The following PCDHA13 variants were observed in gnomAD, a reference collection of about 807,000 sequenced individuals.
PCDHA13 encodes the protein protocadherin alpha 13, also known as protocadherin alpha-13.
PCDHA13 carries 54 observed loss-of-function variants against 64.8 expected under a neutral mutation model. That is an observed-to-expected ratio of 0.83 (90% CI 0.67 to 1.04). PCDHA13 has a LOEUF of 1.04. Among genes scored for constraint, PCDHA13 ranks in the 50% least tolerant of loss-of-function variants. The pLI is 0.00. For synonymous variants in PCDHA13, 587 were observed against 564.4 expected, an observed-to-expected ratio of 1.04 and a Z score of -0.57; for missense variants, 1,248 against 1,254.3, an observed-to-expected ratio of 0.99 and a Z score of 0.08.
Position 140,883,008 on chromosome 5 carries a change from AT to A in PCDHA13, c.741del (p.Tyr247Ter). ...DNAPEFYQSV[Y>X]KVTVLENAFN... ...GCCCCGGAATTTTACCAATCCGTTTATAAAGTGACGGTGTTAGAGAACGCCT... is the reference window on the plus strand; with the variant it reads ...GCCCCGGAATTTTACCAATCCGTTTAAAAGTGACGGTGTTAGAGAACGCCT... On this transcript the variant is annotated frameshift_variant, in exon 1 of 4. Coordinates refer to ENST00000289272, the MANE Select transcript of PCDHA13 (RefSeq NM_018904.3). LOFTEE classifies it high-confidence loss of function. 1 of 1,614,178 alleles carries A rather than the reference AT, an allele frequency of 6.2e-7. No individual in the cohort carries two copies. Among genetic ancestry groups the A allele is most frequent in the Non-Finnish European group, 8.5e-7 (1 of 1,180,042 alleles).
At chr5:140,997,840 A>G (rs2097788062) in intron 3 of PCDHA13, among the ~76,000 whole-genome samples, 2 of 152,216 alleles carry the variant, frequency 1.3e-5, no homozygotes, top group Non-Finnish European at 2.9e-5. Flanking sequence ...AATACAATAT[A>G]CATTCTTATA....
At chr5:140,897,227 CA>C (rs1408350956) in intron 1 of PCDHA13, among the ~76,000 whole-genome samples, 2 of 152,036 alleles carry the variant, frequency 1.3e-5, no homozygotes, top group African/African-American at 2.4e-5. Context: ...TACATGTGCA[CA>C]ATGTGCAGGT....
chr5:140,888,802 AGTGATCT>A (rs1418023292), intron 1 of PCDHA13, among the ~76,000 whole-genome samples: 2 of 152,088 alleles, frequency 1.3e-5, no homozygotes, highest in African/African-American at 4.8e-5. Flanking sequence ...GAGGTTGATC[AGTGATCT>A]GTGATCTGTG....
At chr5:140,925,989 G>A (rs2082853255) in intron 1 of PCDHA13, among the ~76,000 whole-genome samples, 1 of 152,212 alleles carries the variant, frequency 6.6e-6, no homozygotes, top group East Asian at 1.9e-4. Context: ...GAGCTCGCTG[G>A]CTCCGCTGCC....
In PCDHA13 at chr5:141,002,285, A is replaced by C. The variant is rs2098070605; in HGVS notation, c.2543-7342A>C. On this transcript the variant is annotated intron_variant, in intron 3 of 3. Coordinates refer to ENST00000289272, the MANE Select transcript of PCDHA13 (RefSeq NM_018904.3). ...CCCAGAGCTGGTAACAAAGGGATGA[A>C]TGGGGAGCAAAGGGGCGGGGCCGAA... 4.6e-5 allele frequency among the ~76,000 whole-genome samples: 7 copies of C among 152,158 alleles called. No individual in the cohort carries two copies. In the South Asian group the frequency reaches 1.4e-3, roughly 31 times the overall value.
At chr5:141,003,750 A>T (rs868985181) in intron 3 of PCDHA13, among the ~76,000 whole-genome samples, 3 of 152,226 alleles carry the variant, frequency 2.0e-5, no homozygotes, top group African/African-American at 7.2e-5. Flanking sequence ...CATATTTTGT[A>T]TAATTATGGT....
intron 1 of PCDHA13, among the ~76,000 whole-genome samples, chr5:140,896,143 T>C (rs932166066): frequency 2.6e-5 from 4 of 152,198 alleles, no homozygotes; most frequent in Non-Finnish European, 5.9e-5. Context: ...CAGTGCACCA[T>C]TGATGGGCAT....
At chr5:140,896,710 T>C (rs1231459059) in intron 1 of PCDHA13, among the ~76,000 whole-genome samples, 2 of 152,160 alleles carry the variant, frequency 1.3e-5, no homozygotes, top group Non-Finnish European at 2.9e-5. Flanking sequence ...TGTTTGTTTT[T>C]TGCTTGTTAA....
intron 1 of PCDHA13, among the ~76,000 whole-genome samples, chr5:140,924,695 G>C (rs1190287077): frequency 2.6e-5 from 4 of 152,024 alleles, no homozygotes; most frequent in African/African-American, 9.7e-5. Context: ...AGGAGTTCGA[G>C]ACCAGCTTGT....
At chr5:140,999,400 A>G (rs1331954466) in intron 3 of PCDHA13, among the ~76,000 whole-genome samples, 2 of 152,150 alleles carry the variant, frequency 1.3e-5, no homozygotes, top group Admixed American at 6.5e-5. Flanking sequence ...TGTTTTGCAT[A>G]TGAAAGAATG....
At chr5:140,948,273 T>A (rs1563231021) in intron 1 of PCDHA13, among the ~76,000 whole-genome samples, 1 of 151,602 alleles carries the variant, frequency 6.6e-6, no homozygotes, top group South Asian at 2.1e-4. Context: ...ATGTAGAATA[T>A]CTGTAAATAA....
At position 140,882,485 on chromosome 5, in the gene PCDHA13, G is replaced by C; in HGVS notation, c.217G>C (p.Asp73His). ...CCGGGTGGCGTCCAAAAGACACGGG[G>C]ACCTTCTGGAGGTAAATCTGCAGAA... ...LFRVASKRHG[D>H]LLEVNLQNGI... Residue 73 changes from aspartate (D) to histidine (H), a missense_variant, in exon 1 of 4, where the codon GAC (aspartate) becomes CAC (histidine). Physicochemically the swap from Asp to His is moderately conservative, Grantham distance 81. Transcript: ENST00000289272. 1.9e-6 allele frequency: 3 copies of C among 1,614,106 alleles called. No homozygotes were observed. Among genetic ancestry groups the C allele is most frequent in the Non-Finnish European group, 2.5e-6 (3 of 1,180,054 alleles).
chr5:140,967,084 TC>T, intron 1 of PCDHA13: 2 of 1,613,270 alleles, frequency 1.2e-6, no homozygotes, highest in African/African-American at 2.7e-5. Flanking sequence ...AGCGCATTGA[TC>T]GGGAGGCGCT....
In PCDHA13 at chr5:140,971,075, T is replaced by C. The variant is rs560795307; in HGVS notation, c.2395-7874T>C. 1.4e-4 allele frequency among the ~76,000 whole-genome samples: 22 copies of C among 152,322 alleles called. No homozygotes were observed. The South Asian group carries it at 3.7e-3, about 26-fold the overall frequency. ...CTTTAAATAAGGTTGCTGTAGACAT[T>C]TGCTTAACAAATTCTTGTGAAGCCC... is the stretch of plus-strand genomic sequence containing the variant. On this transcript the variant is annotated intron_variant, in intron 1 of 3. Transcript: ENST00000289272.
chr5:140,966,918 A>T, intron 1 of PCDHA13: 1 of 1,602,744 alleles, frequency 6.2e-7, no homozygotes. Flanking sequence ...GTGCCAGAGG[A>T]GCAGGCACCC....
Position 140,910,016 on chromosome 5 carries a change from G to C in PCDHA13, c.2394+25354G>C, listed in dbSNP as rs375687025. Among the ~76,000 whole-genome samples the C allele has an allele frequency of 3.5e-4, 54 of 152,290 alleles. No individual in the cohort carries two copies. The South Asian group carries it at 0.011, about 32-fold the overall frequency. ...ATAAATTGTTGTCAGTGTCATCCTT[G>C]TATCCCTGGGATAAATCCCACTTGG... On this transcript the variant is annotated intron_variant, in intron 1 of 3. Coordinates refer to ENST00000289272, the MANE Select transcript of PCDHA13 (RefSeq NM_018904.3).
intron 1 of PCDHA13, chr5:140,969,200 G>C (rs2096305926): frequency 1.2e-6 from 2 of 1,614,132 alleles, no homozygotes; most frequent in Non-Finnish European, 1.7e-6. Flanking sequence ...TTACAATACA[G>C]GGGCCCAGAC....
chr5:140,995,679 T>C (rs2153934903), intron 3 of PCDHA13, among the ~76,000 whole-genome samples: 1 of 152,322 alleles, frequency 6.6e-6, no homozygotes, highest in Non-Finnish European at 1.5e-5. Context: ...GCAGCATTTT[T>C]TTTAATTGTT....
Position 141,010,123 on chromosome 5 carries a change from A to G in PCDHA13, c.*186A>G, listed in dbSNP as rs782357783. The G allele has an allele frequency of 3.7e-6, 6 of 1,605,822 alleles. No individual in the cohort carries two copies. In the East Asian group the frequency reaches 1.3e-4, roughly 36 times the overall value. On this transcript the variant is annotated 3_prime_UTR_variant, in exon 4 of 4. Transcript: ENST00000289272. ...AGGTTTTGTCGTAAAAGCTTTACTA[A>G]GTCTGGTGTTAACTCTTTCTCTCCA...
Sources: allele counts gnomAD v4.1 joint callset (sites outside exome capture counted in the v4.1 genomes callset), GRCh38; gene constraint gnomAD v4.1.1; transcripts MANE v1.5; gene names NCBI Gene and HGNC (gene_info 2026-07-23, HGNC 2026-07-21).